Variants in COL6A3 observed in about 807,000 individuals in gnomAD.
The protein encoded by COL6A3 is collagen type VI alpha 3 chain.
COL6A3 carries 137 observed loss-of-function variants against 274.1 expected under a neutral mutation model. That is an observed-to-expected ratio of 0.50 (90% confidence interval 0.44 to 0.58). The LOEUF (loss-of-function observed/expected upper bound fraction) is 0.58, where lower values mean the gene tolerates loss of function less well. Ranked by LOEUF, COL6A3 falls within the 20% of genes least tolerant of loss-of-function variation. The pLI, the probability that COL6A3 is intolerant of heterozygous loss-of-function variation, is 0.00. For synonymous variants in COL6A3, 1,650 were observed against 1,650.6 expected (o/e 1.00, Z 0.01); for missense variants, 3,950 against 4,124.9 (o/e 0.96, Z 1.16).
Position 237,335,833 on chromosome 2 carries a change from C to T in COL6A3, c.8965+302G>A, listed in dbSNP as rs11682162. Among the ~76,000 whole-genome samples the T allele has an allele frequency of 0.072, 10,990 of 152,260 alleles. 494 individuals carry two copies. Among genetic ancestry groups the T allele is most frequent in the Non-Finnish European group, 0.1 (6,963 of 68,016 alleles). The stretch of plus-strand genomic sequence containing the variant: ...TAGGAGCTAAAACCTTATTTCAACA[C>T]GGAAACTTTTCCCTTTAGTTTAAGA... On this transcript the variant is annotated intron_variant, in intron 40 of 43. Coordinates refer to ENST00000295550, the MANE Select transcript of COL6A3 (RefSeq NM_004369.4).
chr2:237,357,968 A>G, intron 21 of COL6A3, 86 bp from the exon 22 acceptor site: 1 of 1,254,214 alleles, frequency 8.0e-7, no homozygotes. Context: ...AAATATTAGC[A>G]AGGACCTGCA....
Position 237,372,067 on chromosome 2 carries a change from T to G in COL6A3, c.3950A>C (p.Glu1317Ala). Residue 1317 changes from glutamate to alanine, a missense_variant, in exon 9 of 44, where the codon GAG becomes GCG. Glu to Ala is a moderately radical substitution (Grantham distance 107, BLOSUM62 -1). This residue lies in a region of COL6A3 where 1,934 missense variants were observed against 1,984.3 expected (regional missense o/e 0.97). Coordinates refer to ENST00000295550, the MANE Select transcript of COL6A3 (RefSeq NM_004369.4). The stretch of plus-strand genomic sequence containing the variant: ...CTTGAAGATGTTCCTGGACACGTAC[T>G]CCAGGGCATTGCCCACGTTGATCTG... ...GRQINVGNAL[E>A]YVSRNIFKRP... is the part of the protein sequence containing the mutation. The G allele has an allele frequency of 6.2e-7, 1 of 1,614,066 alleles. No homozygotes were observed. Among genetic ancestry groups the G allele is most frequent in the Middle Eastern group, 1.6e-4 (1 of 6,062 alleles).
chr2:237,344,809 T>C lies in COL6A3; in HGVS notation c.7209A>G (p.Leu2403=), dbSNP rs774998644. ...CCTCAGAGGTGTCTAAAGCAAAGGCTAGTTCTGTTGGGAAGACGGGGCACT... is the reference window on the plus strand; with the variant it reads ...CCTCAGAGGTGTCTAAAGCAAAGGCCAGTTCTGTTGGGAAGACGGGGCACT... ...PLECPVFPTE[L]AFALDTSEGV... The change falls in exon 36 of 44, where the codon CTA becomes CTG. Residue 2403 remains leucine, a synonymous_variant. Coordinates refer to ENST00000295550, the MANE Select transcript of COL6A3 (RefSeq NM_004369.4). The surrounding 1 kb of genome is among the most constrained non-coding windows in gnomAD (Gnocchi z 4.8). 4.3e-6 allele frequency: 7 copies of C among 1,612,108 alleles called. No homozygotes were observed. Among genetic ancestry groups the C allele is most frequent in the Non-Finnish European group, 5.9e-6 (7 of 1,179,778 alleles).
intron 42 of COL6A3, chr2:237,329,076 T>A (rs12998915): frequency 6.6e-6 from 1 of 152,048 alleles, no homozygotes; most frequent in South Asian, 2.1e-4. Context: ...CTTATTTAGA[T>A]ACTGAGTCTC....
chr2:237,397,122 G>T (rs2106391714), intron 1 of COL6A3, among the ~76,000 whole-genome samples: 1 of 150,630 alleles, frequency 6.6e-6, no homozygotes, highest in South Asian at 2.1e-4. Flanking sequence ...AGGAGGGAGG[G>T]AGGGAAGGAA....
intron 32 of COL6A3, among the ~76,000 whole-genome samples, chr2:237,345,638 C>T (rs987007204): frequency 1.3e-5 from 2 of 152,172 alleles, no homozygotes; most frequent in African/African-American, 2.4e-5. Flanking sequence ...AATTCCACCC[C>T]GAGGAGCTCT....
intron 16 of COL6A3, 50 bp from the exon 17 acceptor site, chr2:237,360,209 T>C (rs1187584024): frequency 1.9e-6 from 3 of 1,571,374 alleles, no homozygotes; most frequent in East Asian, 2.2e-5. Flanking sequence ...TTCATCACCC[T>C]TTCTCTGCCG....
chr2:237,364,549 G>T lies in COL6A3; in HGVS notation c.5839-121C>A, dbSNP rs1259258332. 6 of 784,366 alleles carry T rather than the reference G, an allele frequency of 7.6e-6. No individual in the cohort carries two copies. In the African/African-American group the frequency reaches 1.0e-4, roughly 13 times the overall value. The allele number at this position is 784,366 out of a possible 1,614,324, so 48.6% of individuals were successfully genotyped here. A position where few individuals can be genotyped will look rare whatever the true frequency, so the allele number is the denominator to read the frequency against. On this transcript the variant is annotated intron_variant, in intron 12 of 43. Transcript: ENST00000295550. The surrounding 1 kb of genome is among the most constrained non-coding windows in gnomAD (Gnocchi z 4.6). The stretch of plus-strand genomic sequence containing the variant: ...CATTTTACACTTAAGGAAACTGAGG[G>T]CCCAAGTTGAGGAATGATTACCCAT...
At chr2:237,396,014 C>T (rs1159561588) in intron 2 of COL6A3, among the ~76,000 whole-genome samples, 1 of 152,150 alleles carries the variant, frequency 6.6e-6, no homozygotes, top group African/African-American at 2.4e-5. Context: ...ACCTGATGCC[C>T]CAACCCACGT....
chr2:237,394,873 T>C lies in COL6A3; in HGVS notation c.423A>G (p.Gly141=). Residue 141 remains glycine (G), a synonymous_variant, in exon 3 of 44, where the codon GGA becomes GGG. Coordinates refer to ENST00000295550, the MANE Select transcript of COL6A3 (RefSeq NM_004369.4). ...TTAACACTACGATAACCTGAGGGACTCCGTCACCGGCCCGGCTTCCAGCAG... is the reference window on the plus strand; with the variant it reads ...TTAACACTACGATAACCTGAGGGACCCCGTCACCGGCCCGGCTTCCAGCAG... ...TKAAGSRAGD[G]VPQVIVVLTD... 6.2e-7 allele frequency: 1 copy of C among 1,612,064 alleles called. No individual in the cohort carries two copies. The highest frequency in any genetic ancestry group is 8.5e-7 in the Non-Finnish European group (1 of 1,178,240).
chr2:237,335,541 C>G (rs7561606), intron 40 of COL6A3, among the ~76,000 whole-genome samples: 9,259 of 152,262 alleles, frequency 0.061, 639 homozygotes, highest in African/African-American at 0.17. Context: ...TAGATTTGAG[C>G]CTTGGGGAAT....
chr2:237,397,296 G>A lies in COL6A3; in HGVS notation c.-30-449C>T, dbSNP rs573869306. The stretch of plus-strand genomic sequence containing the variant: ...GAAGGGAAGGAAGGAAGAAGTGAAG[G>A]AAGGAAAGGAAGGGAAAGAAAGGAA... On this transcript the variant is annotated intron_variant, in intron 1 of 43. Transcript: ENST00000295550. Among the ~76,000 whole-genome samples, 26 of 142,446 alleles carry A rather than the reference G, an allele frequency of 1.8e-4. No homozygotes were observed. In the South Asian group the frequency reaches 5.2e-3, roughly 29 times the overall value. 93.5% of individuals were successfully genotyped at this position (142,446 alleles called of 152,430 possible).
Position 237,395,178 on chromosome 2 carries a change from T to C in COL6A3, c.118A>G (p.Ile40Val), listed in dbSNP as rs370368996. Residue 40 changes from isoleucine (I) to valine (V), a missense_variant, in exon 3 of 44, where the codon ATA becomes GTA. Coordinates refer to ENST00000295550, the MANE Select transcript of COL6A3 (RefSeq NM_004369.4). Reference protein sequence around the residue: ...ADVKNGAAADIIFLVDSSWTI... With the variant: ...ADVKNGAAADVIFLVDSSWTI... The stretch of plus-strand genomic sequence containing the variant: ...CAAGAGGAATCCACTAGAAATATTA[T>C]ATCAGCAGCCGCACCATTTTTGACA... The C allele has an allele frequency of 6.8e-6, 11 of 1,613,616 alleles. No individual in the cohort carries two copies. The highest frequency in any genetic ancestry group is 9.3e-6 in the Non-Finnish European group (11 of 1,180,016).
At chr2:237,384,591 C>T (rs2078097851) in intron 4 of COL6A3, among the ~76,000 whole-genome samples, 1 of 152,124 alleles carries the variant, frequency 6.6e-6, no homozygotes, top group Non-Finnish European at 1.5e-5. Flanking sequence ...TCCAGACCCC[C>T]ATCAGGAGAC....
chr2:237,383,340 T>C (rs1291237774), intron 4 of COL6A3, among the ~76,000 whole-genome samples: 5 of 152,232 alleles, frequency 3.3e-5, no homozygotes, highest in South Asian at 2.1e-4. Context: ...CAGAACATCA[T>C]TGAACCTTTT....
intron 4 of COL6A3, among the ~76,000 whole-genome samples, chr2:237,381,706 C>G (rs1559263057): frequency 6.6e-6 from 1 of 152,210 alleles, no homozygotes; most frequent in African/African-American, 2.4e-5. Context: ...GGCTCACCTT[C>G]CACCCTGCCC....
In COL6A3 at chr2:237,394,975, G is replaced by A; in HGVS notation, c.321C>T (p.Ser107=). The A allele has an allele frequency of 6.2e-7, 1 of 1,614,070 alleles. No homozygotes were observed. The highest frequency in any genetic ancestry group is 1.1e-5 in the South Asian group (1 of 91,064). The stretch of plus-strand genomic sequence containing the variant: ...TGGTTCCCCCAATATAAGACATGTT[G>A]GAAATATGAGAAAGGACTTCTTGTT... ...RTKQEVLSHI[S]NMSYIGGTNQ... Residue 107 remains serine (S), a synonymous_variant, in exon 3 of 44, where the codon TCC becomes TCT. Transcript: ENST00000295550.
chr2:237,354,847 G>A (rs377290597), intron 24 of COL6A3, 52 bp downstream of exon 24: 15 of 1,513,896 alleles, frequency 9.9e-6, no homozygotes, highest in African/African-American at 9.6e-5. Context: ...TGGGCTGGGC[G>A]GCATCTGGGC....
intron 6 of COL6A3, 142 bp downstream of exon 6, chr2:237,378,494 G>T: frequency 1.6e-6 from 2 of 1,245,364 alleles, no homozygotes; most frequent in Non-Finnish European, 2.3e-6. Context: ...AGTGTCTCAA[G>T]TCCCCATTCA....
Sources: gnomAD v4.1 joint callset for allele counts (sites outside exome capture counted in the v4.1 genomes callset) on GRCh38, gnomAD v4.1.1 for gene constraint, gnomAD v4.1.1 regional missense constraint, Gnocchi (gnomAD v3.1) non-coding constraint, MANE v1.5 for transcripts, NCBI Gene and HGNC (gene_info 2026-07-23, HGNC 2026-07-21) for gene names.